Variants in STIM2 observed in about 807,000 individuals in gnomAD.
STIM2 encodes stromal interaction molecule 2.
STIM2 carries 31 observed loss-of-function variants against 85.8 expected under a neutral mutation model. That is an observed-to-expected ratio of 0.36 (90% CI 0.27 to 0.49). The LOEUF (loss-of-function observed/expected upper bound fraction) is 0.49. Ranked by LOEUF, STIM2 falls within the 20% of genes least tolerant of loss-of-function variation. STIM2 has a pLI of 0.98. For synonymous variants in STIM2, 356 were observed against 331.1 expected, an observed-to-expected ratio of 1.08 and a Z score of -0.82; for missense variants, 841 against 927.6, an observed-to-expected ratio of 0.91 and a Z score of 1.21.
intron 2 of STIM2, among the ~76,000 whole-genome samples, chr4:26,935,752 A>G (rs1042919633): frequency 6.6e-6 from 1 of 152,196 alleles, no homozygotes; most frequent in Non-Finnish European, 1.5e-5. Flanking sequence ...ATGAGTAGAC[A>G]GTATAGTTAC....
In STIM2 at chr4:27,017,718, G is replaced by C; in HGVS notation, c.1497G>C (p.Met499Ile). The stretch of plus-strand genomic sequence containing the variant: ...TTTCTTGGTGTTTTTCAGGGACCAT[G>C]GCTAAACCTCCTGGATCATTAGCCA... Residue 499 changes from methionine (M) to isoleucine (I), a missense_variant, in exon 11 of 12, where the codon ATG (methionine) becomes ATC (isoleucine). Transcript: ENST00000467087. 1 of 1,613,902 alleles carries C rather than the reference G, an allele frequency of 6.2e-7. No individual in the cohort carries two copies. The highest frequency in any genetic ancestry group is 8.5e-7 in the Non-Finnish European group (1 of 1,179,880).
intron 3 of STIM2, among the ~76,000 whole-genome samples, chr4:26,964,391 G>C (rs1726628038): frequency 6.6e-6 from 1 of 152,122 alleles, no homozygotes; most frequent in Non-Finnish European, 1.5e-5. Context: ...TAAGTATTAA[G>C]AGCTACTATA....
At chr4:27,021,003 T>A (rs1358899442) in intron 11 of STIM2, 1 of 1,537,028 alleles carries the variant, frequency 6.5e-7, no homozygotes. Context: ...GTGAACAGTA[T>A]TCACCTTGGG....
chr4:26,865,434 G>A (rs1722368517), intron 1 of STIM2, among the ~76,000 whole-genome samples: 1 of 152,118 alleles, frequency 6.6e-6, no homozygotes, highest in Admixed American at 6.5e-5. Flanking sequence ...TGCAAAAGGA[G>A]GACACAGGAT....
chr4:26,922,217 A>G (rs187519503), intron 2 of STIM2, among the ~76,000 whole-genome samples: 91 of 152,036 alleles, frequency 6.0e-4, no homozygotes, highest in African/African-American at 2.1e-3. Context: ...CTCTGTTTGT[A>G]TTATATTTTT....
chr4:26,949,198 A>G (rs183098565), intron 2 of STIM2, among the ~76,000 whole-genome samples: 84 of 152,248 alleles, frequency 5.5e-4, no homozygotes, highest in African/African-American at 1.9e-3. Context: ...TTTTATTAAT[A>G]TTATCCATAT....
chr4:26,893,941 T>C (rs539639358), intron 1 of STIM2, among the ~76,000 whole-genome samples: 7 of 152,250 alleles, frequency 4.6e-5, no homozygotes, highest in Admixed American at 3.9e-4. Flanking sequence ...CAGGCTAGAG[T>C]GCAGTGGCGT....
rs1377993214 is a variant in STIM2 at position 26,933,746 on chromosome 4, A to C, written c.282+14112A>C. 3.3e-5 allele frequency among the ~76,000 whole-genome samples: 5 copies of C among 151,400 alleles called. No individual in the cohort carries two copies. In the East Asian group the frequency reaches 5.8e-4, roughly 17 times the overall value. On this transcript the variant is annotated intron_variant, in intron 2 of 11. Coordinates refer to ENST00000467087, the MANE Select transcript of STIM2 (RefSeq NM_020860.4). ...GAGACCTGATCTCAAAAAAAAAAAA[A>C]AAAAAAAAACAAGAAAAAAAAGGTT... is the stretch of plus-strand genomic sequence containing the variant.
chr4:26,973,537 AGTT>A (rs1185430998), intron 3 of STIM2, among the ~76,000 whole-genome samples: 7 of 152,140 alleles, frequency 4.6e-5, no homozygotes, highest in African/African-American at 1.7e-4. Context: ...GTTTCCATGT[AGTT>A]GTGCGGTTTT....
intron 2 of STIM2, among the ~76,000 whole-genome samples, chr4:26,928,703 A>G (rs572608361): frequency 6.6e-6 from 1 of 152,258 alleles, no homozygotes; most frequent in East Asian, 1.9e-4. Flanking sequence ...AAGTGTTATC[A>G]CCACTCTGCA....
At chr4:26,987,534 A>T (rs1202524376) in intron 3 of STIM2, among the ~76,000 whole-genome samples, 1 of 151,934 alleles carries the variant, frequency 6.6e-6, no homozygotes, top group African/African-American at 2.4e-5. Flanking sequence ...TCCATACATC[A>T]TCCTGTCCCC....
chr4:26,949,487 G>A (rs1347285008), intron 2 of STIM2, among the ~76,000 whole-genome samples: 2 of 152,098 alleles, frequency 1.3e-5, no homozygotes, highest in Non-Finnish European at 1.5e-5. Flanking sequence ...TTTTCAATGA[G>A]AACTATGTGT....
intron 2 of STIM2, among the ~76,000 whole-genome samples, chr4:26,951,725 C>G (rs1266449573): frequency 6.6e-6 from 1 of 152,040 alleles, no homozygotes; most frequent in Non-Finnish European, 1.5e-5. Context: ...ATGCTTACCT[C>G]TACTTAAAGT....
intron 1 of STIM2, among the ~76,000 whole-genome samples, chr4:26,867,757 T>C (rs942018428): frequency 1.3e-5 from 2 of 152,240 alleles, no homozygotes; most frequent in Non-Finnish European, 2.9e-5. Context: ...TTAGTATACA[T>C]TGGATATTCA....
chr4:26,930,266 C>T (rs1190564089), intron 2 of STIM2, among the ~76,000 whole-genome samples: 1 of 152,104 alleles, frequency 6.6e-6, no homozygotes, highest in Non-Finnish European at 1.5e-5. Flanking sequence ...TTGCCCTGAG[C>T]ACAGCAGTGG....
chr4:26,932,671 G>A (rs1031651714), intron 2 of STIM2, among the ~76,000 whole-genome samples: 2 of 152,120 alleles, frequency 1.3e-5, no homozygotes, highest in Non-Finnish European at 2.9e-5. Flanking sequence ...TTTTGGAATG[G>A]CCTGGGCCTG....
At chr4:26,922,100 T>A (rs1347452421) in intron 2 of STIM2, among the ~76,000 whole-genome samples, 3 of 152,186 alleles carry the variant, frequency 2.0e-5, no homozygotes, top group Admixed American at 6.5e-5. Context: ...ATTAAGAGTT[T>A]TATTGTTATT....
chr4:26,995,489 A>C lies in STIM2; in HGVS notation c.508A>C (p.Arg170=). The change falls in exon 4 of 12, where the codon AGG becomes CGG. Residue 170 remains arginine (R), a splice_region_variant and synonymous_variant. Coordinates refer to ENST00000467087, the MANE Select transcript of STIM2 (RefSeq NM_020860.4). Reference sequence around the variant, plus strand: ...CAATGTCAAAGGAACGACACTTCCCAGGTGAGTCTTTGTTATGCAAATGTA... The same window carrying C: ...CAATGTCAAAGGAACGACACTTCCCCGGTGAGTCTTTGTTATGCAAATGTA... 1 of 1,580,718 alleles carries C rather than the reference A, an allele frequency of 6.3e-7. No individual in the cohort carries two copies. The highest frequency in any genetic ancestry group is 8.6e-7 in the Non-Finnish European group (1 of 1,161,098).
At chr4:26,970,433 C>T (rs1427321968) in intron 3 of STIM2, among the ~76,000 whole-genome samples, 1 of 151,596 alleles carries the variant, frequency 6.6e-6, no homozygotes, top group Non-Finnish European at 1.5e-5. Context: ...TGTGATGTTC[C>T]CTGCCCTGTG....
Sources: allele counts gnomAD v4.1 joint callset (sites outside exome capture counted in the v4.1 genomes callset), GRCh38; gene constraint gnomAD v4.1.1; transcripts MANE v1.5; gene names NCBI Gene and HGNC (gene_info 2026-07-23, HGNC 2026-07-21).